MAST2: variants seen among roughly 807,000 people sequenced by gnomAD.
The protein encoded by MAST2 is microtubule-associated serine/threonine-protein kinase 2.
In MAST2, 70 loss-of-function variants were observed where a neutral mutation model predicts 147.4. That is an observed-to-expected ratio of 0.47 (90% confidence interval 0.39 to 0.58). MAST2 has a LOEUF of 0.58. MAST2 is among the 20% of genes least tolerant of loss of function. The pLI is 0.00. For synonymous variants in MAST2, 869 were observed against 896.8 expected (o/e 0.97, Z 0.55); for missense variants, 2,080 against 2,302.3 (o/e 0.90, Z 1.98).
At chr1:45,882,204 A>T (rs11211216) in intron 3 of MAST2, among the ~76,000 whole-genome samples, 160 bp from the exon 4 acceptor site, 50,736 of 97,960 alleles carry the variant, frequency 0.52, 9,857 homozygotes, top group African/African-American at 0.62. Flanking sequence ...AAAAAAAAAA[A>T]AATAAATAAA....
intron 22 of MAST2, 94 bp from the exon 23 acceptor site, chr1:46,030,913 G>GT: frequency 1.3e-6 from 2 of 1,504,226 alleles, no homozygotes; most frequent in African/African-American, 2.8e-5. Flanking sequence ...GCGGAGGAAA[G>GT]TTCTGTTACT....
Position 46,023,171 on chromosome 1 carries a change from T to C in MAST2, c.1486-62T>C. The C allele has an allele frequency of 1.4e-6, 2 of 1,468,992 alleles. No homozygotes were observed. The highest frequency in any genetic ancestry group is 1.9e-6 in the Non-Finnish European group (2 of 1,047,958). 91.0% of individuals were successfully genotyped at this position (1,468,992 alleles called of 1,614,324 possible). A position where few individuals can be genotyped will look rare whatever the true frequency, so the allele number is the denominator to read the frequency against. ...GCTGAGAAGATGCTAGAGCCACAGC[T>C]TCTGCAAGGATATGGGCTCTGAGAA... is the stretch of plus-strand genomic sequence containing the variant. On this transcript the variant is annotated intron_variant, in intron 13 of 28. Transcript: ENST00000361297. The surrounding 1 kb of genome is among the most constrained non-coding windows in gnomAD (Gnocchi z 4.9).
intron 4 of MAST2, among the ~76,000 whole-genome samples, chr1:45,927,209 A>G (rs1272506163): frequency 6.6e-6 from 1 of 152,236 alleles, no homozygotes; most frequent in Non-Finnish European, 1.5e-5. Flanking sequence ...GCAGGGCGAG[A>G]TCACAGGACC....
intron 3 of MAST2, among the ~76,000 whole-genome samples, chr1:45,877,449 C>T (rs1342279314): frequency 6.6e-6 from 1 of 152,132 alleles, no homozygotes; most frequent in Non-Finnish European, 1.5e-5. Flanking sequence ...ATGACCTAAT[C>T]ACCTCCTACA....
intron 5 of MAST2, among the ~76,000 whole-genome samples, chr1:45,978,968 C>A (rs1557995950): frequency 2.0e-5 from 3 of 152,174 alleles, no homozygotes; most frequent in African/African-American, 7.2e-5. Flanking sequence ...TGTGAATATA[C>A]TAAAAACCTC....
At chr1:45,920,935 A>G (rs1386037815) in intron 4 of MAST2, among the ~76,000 whole-genome samples, 4 of 152,214 alleles carry the variant, frequency 2.6e-5, no homozygotes, top group Non-Finnish European at 5.9e-5. Context: ...GAAGTTATTA[A>G]TAAGTAGTAG....
intron 5 of MAST2, among the ~76,000 whole-genome samples, chr1:45,964,548 G>T (rs1205776741): frequency 6.6e-6 from 1 of 152,068 alleles, no homozygotes; most frequent in Non-Finnish European, 1.5e-5. Flanking sequence ...TATTTCTGTG[G>T]GATCGGTGGT....
chr1:45,863,396 C>T (rs1038393647), intron 3 of MAST2, among the ~76,000 whole-genome samples: 18 of 152,050 alleles, frequency 1.2e-4, no homozygotes, highest in South Asian at 6.2e-4. Context: ...ATAATCCAGC[C>T]GTTAGTTATT....
At chr1:45,859,376 A>C (rs992864748) in intron 3 of MAST2, among the ~76,000 whole-genome samples, 7 of 152,258 alleles carry the variant, frequency 4.6e-5, no homozygotes. Context: ...CTGGGATTAC[A>C]GGCATGAGCC....
chr1:45,828,641 G>C (rs1342632774), intron 2 of MAST2, among the ~76,000 whole-genome samples: 3 of 152,240 alleles, frequency 2.0e-5, no homozygotes, highest in Non-Finnish European at 2.9e-5. Context: ...AGTCATTGCA[G>C]GTCGGGCGTG....
chr1:45,811,274 C>G (rs1045537763), intron 1 of MAST2, among the ~76,000 whole-genome samples: 1 of 150,910 alleles, frequency 6.6e-6, no homozygotes, highest in African/African-American at 2.4e-5. Flanking sequence ...TCAAGCAATT[C>G]TCCTGCCTCA....
intron 18 of MAST2, 159 bp downstream of exon 18, chr1:46,029,092 A>C: frequency 1.3e-6 from 1 of 753,508 alleles, no homozygotes; most frequent in Non-Finnish European, 2.1e-6. Context: ...GTGTTTCTGC[A>C]TGTACATACA....
chr1:46,029,832 C>T lies in MAST2; in HGVS notation c.2322C>T (p.Gly774=), dbSNP rs758943298. ...TGCCCATGTCCTCCCTGTCCACAGG[C>T]AGTGCCTATGAGGTGAAGCAGCACC... ...HQNPLERLGT[G]SAYEVKQHPF... The change falls in exon 20 of 29, where the codon GGC becomes GGT. Residue 774 remains glycine (G), a splice_region_variant and synonymous_variant. Transcript: ENST00000361297. 14 of 1,613,914 alleles carry T rather than the reference C, an allele frequency of 8.7e-6. No individual in the cohort carries two copies. Among genetic ancestry groups the T allele is most frequent in the Non-Finnish European group, 5.1e-6 (6 of 1,179,968 alleles).
At chr1:45,882,906 G>T (rs959441337) in intron 4 of MAST2, among the ~76,000 whole-genome samples, 1 of 152,136 alleles carries the variant, frequency 6.6e-6, no homozygotes, top group Non-Finnish European at 1.5e-5. Context: ...TTAATAAATA[G>T]TCTTTGCCCC....
In MAST2 at chr1:46,035,392, A is replaced by G; in HGVS notation, c.4723A>G (p.Ser1575Gly). ...GITLGPPRME[S>G]PSGPHRRLGS... ...CACACTGGGGCCTCCCAGAATGGAAAGTCCCAGTGGTCCCCACAGGAGGCT... is the reference window on the plus strand; with the variant it reads ...CACACTGGGGCCTCCCAGAATGGAAGGTCCCAGTGGTCCCCACAGGAGGCT... The change falls in exon 29 of 29, where the codon AGT becomes GGT. Residue 1575 changes from serine (S) to glycine (G), a missense_variant. Physicochemically the swap from Ser to Gly is moderately conservative, Grantham distance 56. Coordinates refer to ENST00000361297, the MANE Select transcript of MAST2 (RefSeq NM_015112.3). This position sits in a 1 kb window ranked among gnomAD's most constrained non-coding sequence, Gnocchi z 5.5. The G allele has an allele frequency of 1.2e-6, 2 of 1,612,732 alleles. No individual in the cohort carries two copies. The highest frequency in any genetic ancestry group is 2.7e-5 in the African/African-American group (2 of 74,978).
chr1:45,897,114 G>A (rs1047029296), intron 4 of MAST2, among the ~76,000 whole-genome samples: 5 of 151,860 alleles, frequency 3.3e-5, no homozygotes, highest in African/African-American at 7.3e-5. Flanking sequence ...CCTTCTTTCC[G>A]TTTATACCCA....
At chr1:45,856,487 C>A (rs1054765375) in intron 3 of MAST2, among the ~76,000 whole-genome samples, 3 of 152,102 alleles carry the variant, frequency 2.0e-5, no homozygotes, top group Admixed American at 6.6e-5. Flanking sequence ...ATTTTGACAT[C>A]AAACATTTTT....
intron 5 of MAST2, among the ~76,000 whole-genome samples, chr1:45,996,386 C>G (rs887830196): frequency 6.6e-6 from 1 of 151,950 alleles, no homozygotes; most frequent in South Asian, 2.1e-4. Flanking sequence ...AAAAAATAAG[C>G]TTTGATACTT....
intron 4 of MAST2, among the ~76,000 whole-genome samples, chr1:45,912,656 C>T (rs777723234): frequency 6.6e-6 from 1 of 152,158 alleles, no homozygotes; most frequent in East Asian, 1.9e-4. Context: ...TTGGCAGAGC[C>T]GCTGAAGCAG....
Sources: gnomAD v4.1 joint callset for allele counts (sites outside exome capture counted in the v4.1 genomes callset) on GRCh38, gnomAD v4.1.1 for gene constraint, Gnocchi (gnomAD v3.1) non-coding constraint, MANE v1.5 for transcripts, NCBI Gene and HGNC (gene_info 2026-07-23, HGNC 2026-07-21) for gene names.